The following LRRFIP2 variants were observed in gnomAD, a reference collection of about 807,000 sequenced individuals.
LRRFIP2 encodes the protein leucine-rich repeat flightless-interacting protein 2.
Under a neutral mutation model 125.9 loss-of-function variants are expected in LRRFIP2, and 109 were observed. The observed-to-expected ratio is 0.87, with a 90% CI of 0.74 to 1.01. LRRFIP2 has a LOEUF of 1.01. LRRFIP2 is among the 50% of genes least tolerant of loss of function. LRRFIP2 has a pLI of 0.00. For missense variants in LRRFIP2, 850 were observed against 862.3 expected (o/e 0.99, Z 0.18); for synonymous variants, 291 against 293.1 (o/e 0.99, Z 0.07).
At chr3:37,122,480 A>T (rs941460166) in intron 4 of LRRFIP2, among the ~76,000 whole-genome samples, 3 of 152,186 alleles carry the variant, frequency 2.0e-5, no homozygotes, top group African/African-American at 7.2e-5. Context: ...AAAAAAAGAC[A>T]TTAATCTATT....
chr3:37,083,452 A>G (rs1241061053), intron 19 of LRRFIP2, among the ~76,000 whole-genome samples, 184 bp downstream of exon 19: 1 of 152,126 alleles, frequency 6.6e-6, no homozygotes, highest in Non-Finnish European at 1.5e-5. Flanking sequence ...TCAAGAAAAT[A>G]TTTTTTTAAA....
intron 1 of LRRFIP2, among the ~76,000 whole-genome samples, chr3:37,151,273 C>T (rs144141016): frequency 1.3e-5 from 2 of 151,934 alleles, no homozygotes; most frequent in African/African-American, 2.4e-5. Context: ...GGAGGAGAAT[C>T]GCTTGAATCC....
intron 17 of LRRFIP2, among the ~76,000 whole-genome samples, chr3:37,093,417 C>T (rs2093569883): frequency 6.6e-6 from 1 of 152,182 alleles, no homozygotes; most frequent in Non-Finnish European, 1.5e-5. Context: ...TGGTTCAACC[C>T]AACCAAAGAA....
intron 1 of LRRFIP2, among the ~76,000 whole-genome samples, chr3:37,157,711 T>C (rs1219414137): frequency 6.6e-6 from 1 of 151,306 alleles, no homozygotes; most frequent in Non-Finnish European, 1.5e-5. Flanking sequence ...AAGTACAAAA[T>C]GAAAAAAATA....
intron 18 of LRRFIP2, among the ~76,000 whole-genome samples, chr3:37,086,388 T>C (rs753838810): frequency 4.2e-4 from 64 of 152,292 alleles, no homozygotes; most frequent in Non-Finnish European, 5.7e-4. Flanking sequence ...CCAAAGAGAA[T>C]TGAAAAGATA....
At chr3:37,103,991 A>T (rs1252182462) in intron 14 of LRRFIP2, among the ~76,000 whole-genome samples, 1 of 152,034 alleles carries the variant, frequency 6.6e-6, no homozygotes, top group Non-Finnish European at 1.5e-5. Context: ...ACTTCAGCTG[A>T]CTGTTTGCCT....
chr3:37,139,320 A>G (rs750749146), intron 2 of LRRFIP2, among the ~76,000 whole-genome samples: 34 of 152,232 alleles, frequency 2.2e-4, no homozygotes, highest in Non-Finnish European at 4.4e-4. Context: ...TGTGTAGCCT[A>G]TTTAAAAAAC....
At chr3:37,163,144 A>G (rs1229068951) in intron 1 of LRRFIP2, among the ~76,000 whole-genome samples, 1 of 152,174 alleles carries the variant, frequency 6.6e-6, no homozygotes, top group African/African-American at 2.4e-5. Flanking sequence ...GACTTATCCA[A>G]AAAAGATCAA....
chr3:37,092,179 T>C (rs891742200), intron 17 of LRRFIP2, among the ~76,000 whole-genome samples: 4 of 152,166 alleles, frequency 2.6e-5, no homozygotes, highest in Non-Finnish European at 5.9e-5. Flanking sequence ...ACTATAATCC[T>C]TATAAGAAAA....
intron 18 of LRRFIP2, among the ~76,000 whole-genome samples, chr3:37,090,594 A>G (rs1464466588): frequency 1.3e-5 from 2 of 151,788 alleles, no homozygotes; most frequent in African/African-American, 2.4e-5. Context: ...TGGTTTCTTC[A>G]TAACAGGAGG....
In LRRFIP2 at chr3:37,111,515, T is replaced by C. The variant is rs946009073; in HGVS notation, c.439-450A>G. Among the ~76,000 whole-genome samples the C allele has an allele frequency of 2.0e-5, 3 of 152,224 alleles. No individual in the cohort carries two copies. In the South Asian group the frequency reaches 6.2e-4, roughly 32 times the overall value. On this transcript the variant is annotated intron_variant, in intron 8 of 27. Coordinates refer to ENST00000336686, the MANE Select transcript of LRRFIP2 (RefSeq NM_006309.4). The stretch of plus-strand genomic sequence containing the variant: ...TACCAAAATGAAAGAGAGAGTACGA[T>C]AAATATGGTTTGATCTAAAACACTT...
At chr3:37,127,236 T>C (rs888649355) in intron 4 of LRRFIP2, among the ~76,000 whole-genome samples, 1 of 151,742 alleles carries the variant, frequency 6.6e-6, no homozygotes, top group Admixed American at 6.6e-5. Context: ...CCTGAAGGAG[T>C]TGATATAATA....
intron 2 of LRRFIP2, among the ~76,000 whole-genome samples, chr3:37,135,457 C>CAA (rs368371557): frequency 5.1e-5 from 4 of 78,432 alleles, no homozygotes; most frequent in East Asian, 3.5e-4. Flanking sequence ...GACTCAGTCT[C>CAA]AAAAAAAAAA....
At chr3:37,158,962 G>A (rs921296019) in intron 1 of LRRFIP2, among the ~76,000 whole-genome samples, 2 of 152,160 alleles carry the variant, frequency 1.3e-5, no homozygotes, top group Non-Finnish European at 2.9e-5. Context: ...AGAGACCAGA[G>A]AGAAGGTACT....
Position 37,065,951 on chromosome 3 carries a change from G to C in LRRFIP2, c.1567-9C>G, listed in dbSNP as rs750293226. 3 of 1,614,018 alleles carry C rather than the reference G, an allele frequency of 1.9e-6. No homozygotes were observed. In the Admixed American group the frequency reaches 5.0e-5, roughly 27 times the overall value. ...ATAACTAAGCCATGTTTCTGCAGGG[G>C]GGAAAAACCCACCATCACAAAAGGC... On this transcript the variant is annotated splice_polypyrimidine_tract_variant and intron_variant, in intron 22 of 27. Coordinates refer to ENST00000336686, the MANE Select transcript of LRRFIP2 (RefSeq NM_006309.4).
Position 37,096,643 on chromosome 3 carries a change from G to T in LRRFIP2, c.891C>A (p.Asp297Glu). The T allele has an allele frequency of 6.4e-7, 1 of 1,569,642 alleles. No homozygotes were observed. The highest frequency in any genetic ancestry group is 8.7e-7 in the Non-Finnish European group (1 of 1,148,802). The change falls in exon 16 of 28, where the codon GAC (aspartate) becomes GAA (glutamate). Residue 297 changes from aspartate (D) to glutamate (E), a missense_variant. Physicochemically the swap from Asp to Glu is conservative, Grantham distance 45. Coordinates refer to ENST00000336686, the MANE Select transcript of LRRFIP2 (RefSeq NM_006309.4). ...PDLSSLDEKS[D>E]KQYAENYTRP... ...TTGTATAATTTTCAGCATACTGTTT[G>T]TCAGATTTTTCATCCAACTAGAAAA...
At chr3:37,105,584 A>G (rs937293413) in intron 13 of LRRFIP2, 61 bp from the exon 14 acceptor site, 3 of 1,237,652 alleles carry the variant, frequency 2.4e-6, no homozygotes, top group Admixed American at 3.4e-5. Context: ...TTACCTCATT[A>G]TAAGTACATT....
intron 18 of LRRFIP2, among the ~76,000 whole-genome samples, chr3:37,089,294 C>G (rs1043501810): frequency 1.3e-5 from 2 of 152,116 alleles, no homozygotes; most frequent in South Asian, 4.1e-4. Flanking sequence ...TAATAGTACA[C>G]ATGAATATAT....
intron 24 of LRRFIP2, among the ~76,000 whole-genome samples, chr3:37,062,468 C>T (rs2089026746): frequency 6.6e-6 from 1 of 152,072 alleles, no homozygotes; most frequent in African/African-American, 2.4e-5. Context: ...GATGGGAGCT[C>T]CTAGAATTGA....
Sources: gnomAD v4.1 joint callset for allele counts (sites outside exome capture counted in the v4.1 genomes callset) on GRCh38, gnomAD v4.1.1 for gene constraint, MANE v1.5 for transcripts, NCBI Gene and HGNC (gene_info 2026-07-23, HGNC 2026-07-21) for gene names.